CDH4: variants seen among roughly 807,000 people sequenced by gnomAD.
CDH4 encodes cadherin-4.
In CDH4, 33 loss-of-function variants were observed where a neutral mutation model predicts 86.0. The observed-to-expected ratio is 0.38, with a 90% CI of 0.29 to 0.51. The LOEUF is 0.51. Ranked by LOEUF, CDH4 falls within the 20% of genes least tolerant of loss-of-function variation. The pLI is 0.86. For missense variants in CDH4, 1,114 were observed against 1,307.4 expected (o/e 0.85, Z 2.28); for synonymous variants, 555 against 549.4 (o/e 1.01, Z -0.14).
chr20:61,838,793 C>T (rs1253487254), intron 4 of CDH4, among the ~76,000 whole-genome samples: 1 of 141,426 alleles, frequency 7.1e-6, no homozygotes. Flanking sequence ...CACTGCACTC[C>T]AGCCTGGGTG....
chr20:61,496,548 T>G (rs2085664294), intron 2 of CDH4, among the ~76,000 whole-genome samples: 2 of 152,386 alleles, frequency 1.3e-5, no homozygotes, highest in South Asian at 4.1e-4. Flanking sequence ...TAAACACTTC[T>G]GTGTGTATCT....
intron 2 of CDH4, among the ~76,000 whole-genome samples, chr20:61,650,670 A>C (rs1431358912): frequency 6.6e-6 from 1 of 152,216 alleles, no homozygotes; most frequent in Non-Finnish European, 1.5e-5. Flanking sequence ...ATCAGCATAG[A>C]TGATCCACCC....
At chr20:61,470,165 A>G (rs555740306) in intron 2 of CDH4, among the ~76,000 whole-genome samples, 1 of 152,096 alleles carries the variant, frequency 6.6e-6, no homozygotes, top group African/African-American at 2.4e-5. Context: ...TGGACACTTT[A>G]ATGTATTTAT....
intron 2 of CDH4, among the ~76,000 whole-genome samples, chr20:61,724,473 G>A (rs1480006639): frequency 2.6e-5 from 4 of 152,334 alleles, no homozygotes; most frequent in East Asian, 1.9e-4. Flanking sequence ...CTGCACTCCC[G>A]TGGAGCCCAG....
chr20:61,535,790 C>T (rs778969520), intron 2 of CDH4, among the ~76,000 whole-genome samples: 1 of 152,174 alleles, frequency 6.6e-6, no homozygotes, highest in African/African-American at 2.4e-5. Context: ...GCCCCTGAGC[C>T]GCCATGGGGA....
intron 15 of CDH4, among the ~76,000 whole-genome samples, chr20:61,934,548 G>A (rs1362879295): frequency 6.6e-6 from 1 of 152,242 alleles, no homozygotes; most frequent in Non-Finnish European, 1.5e-5. Context: ...GCCTCAGGAG[G>A]AGAATCAGCG....
chr20:61,477,365 G>A lies in CDH4; in HGVS notation c.169+222428G>A, dbSNP rs145277735. Among the ~76,000 whole-genome samples the A allele has an allele frequency of 5.3e-5, 8 of 152,318 alleles. No individual in the cohort carries two copies. In the East Asian group the frequency reaches 1.2e-3, roughly 22 times the overall value. On this transcript the variant is annotated intron_variant, in intron 2 of 15. Coordinates refer to ENST00000614565, the MANE Select transcript of CDH4 (RefSeq NM_001794.5). ...GGCGTGGAAACGAGTGAGGAATTAC[G>A]ATGATGGTCAGGAACATAGCTGGGC...
At chr20:61,473,015 C>CAGGGG (rs767308786) in intron 2 of CDH4, among the ~76,000 whole-genome samples, 1 of 151,994 alleles carries the variant, frequency 6.6e-6, no homozygotes, top group African/African-American at 2.4e-5. Flanking sequence ...TCTGGTGGGG[C>CAGGGG]AGGGGAGGGG....
At chr20:61,300,687 G>A (rs139081477) in intron 2 of CDH4, among the ~76,000 whole-genome samples, 1 of 152,298 alleles carries the variant, frequency 6.6e-6, no homozygotes, top group East Asian at 1.9e-4. Flanking sequence ...CCCACACCCA[G>A]CCTTCCTGCT....
intron 2 of CDH4, among the ~76,000 whole-genome samples, chr20:61,332,114 T>C (rs980201849): frequency 3.3e-5 from 5 of 152,174 alleles, no homozygotes; most frequent in African/African-American, 7.2e-5. Context: ...GATGCCCGGC[T>C]TCCCAGAGAA....
At chr20:61,502,130 AAAG>A (rs1379602349) in intron 2 of CDH4, among the ~76,000 whole-genome samples, 10 of 152,164 alleles carry the variant, frequency 6.6e-5, no homozygotes, top group Non-Finnish European at 1.3e-4. Context: ...AGCCAGAAAA[AAAG>A]CAGTTGACGT....
chr20:61,735,485 C>G (rs889560315), intron 2 of CDH4, among the ~76,000 whole-genome samples: 1 of 152,148 alleles, frequency 6.6e-6, no homozygotes. Context: ...CTGCAGGGAC[C>G]ACAGCCCAGC....
intron 2 of CDH4, among the ~76,000 whole-genome samples, chr20:61,391,415 G>A (rs556680232): frequency 3.3e-5 from 5 of 152,236 alleles, no homozygotes; most frequent in South Asian, 2.1e-4. Context: ...CACTTCCTGC[G>A]GTAGATGAGA....
chr20:61,341,357 G>C (rs1379628619), intron 2 of CDH4, among the ~76,000 whole-genome samples: 2 of 152,146 alleles, frequency 1.3e-5, no homozygotes, highest in African/African-American at 4.8e-5. Context: ...TTTGGCTTCA[G>C]CTATGTAAAC....
intron 2 of CDH4, among the ~76,000 whole-genome samples, chr20:61,438,463 A>G (rs1600683174): frequency 6.6e-6 from 1 of 152,212 alleles, no homozygotes; most frequent in Non-Finnish European, 1.5e-5. Flanking sequence ...ACGTTTTGCT[A>G]TAAAAGAAAT....
chr20:61,363,904 C>T (rs2084797548), intron 2 of CDH4, among the ~76,000 whole-genome samples: 1 of 152,208 alleles, frequency 6.6e-6, no homozygotes, highest in Non-Finnish European at 1.5e-5. Flanking sequence ...AGAACCCGTA[C>T]TATGATATTT....
intron 15 of CDH4, among the ~76,000 whole-genome samples, chr20:61,935,294 AAGAC>A (rs1295438501): frequency 1.3e-5 from 2 of 152,252 alleles, no homozygotes; most frequent in African/African-American, 4.8e-5. Context: ...ATTCAACAGA[AAGAC>A]AGAAAGGTTT....
chr20:61,464,477 C>G (rs567604959), intron 2 of CDH4, among the ~76,000 whole-genome samples: 2 of 152,188 alleles, frequency 1.3e-5, no homozygotes, highest in Non-Finnish European at 2.9e-5. Context: ...AGAATAGCTT[C>G]GTTTATCATT....
chr20:61,765,234 G>A lies in CDH4; in HGVS notation c.397-7769G>A, dbSNP rs570102542. On this transcript the variant is annotated intron_variant, in intron 3 of 15. Transcript: ENST00000614565. ...GCCGCTCAGGGCTCGGAGGGGTCCCGAGGATGGACCTCCCACAGCCTCGTG... is the reference window on the plus strand; with the variant it reads ...GCCGCTCAGGGCTCGGAGGGGTCCCAAGGATGGACCTCCCACAGCCTCGTG... 5.3e-5 allele frequency among the ~76,000 whole-genome samples: 8 copies of A among 152,240 alleles called. No homozygotes were observed. In the South Asian group the frequency reaches 6.2e-4, roughly 12 times the overall value.
Sources: gnomAD v4.1 joint callset for allele counts (sites outside exome capture counted in the v4.1 genomes callset) on GRCh38, gnomAD v4.1.1 for gene constraint, MANE v1.5 for transcripts, NCBI Gene and HGNC (gene_info 2026-07-23, HGNC 2026-07-21) for gene names.